Variants in MEIKIN observed in about 807,000 individuals in gnomAD.
MEIKIN encodes the protein meiosis-specific kinetochore protein.
chr5:131,904,970 C>T (rs1399231699), intron 8 of MEIKIN, among the ~76,000 whole-genome samples: 1 of 152,092 alleles, frequency 6.6e-6, no homozygotes. Flanking sequence ...GAACATCACA[C>T]ACCAGGGCCT....
chr5:131,926,319 T>C (rs1751586389), intron 5 of MEIKIN, among the ~76,000 whole-genome samples: 1 of 152,220 alleles, frequency 6.6e-6, no homozygotes. Flanking sequence ...CTTCATTCTG[T>C]TAATGTAGTG....
intron 11 of MEIKIN, among the ~76,000 whole-genome samples, chr5:131,825,030 AAAGAAG>A (rs148275513): frequency 2.6e-5 from 4 of 151,484 alleles, no homozygotes; most frequent in South Asian, 2.1e-4. Flanking sequence ...ACTGAAAAAA[AAAGAAG>A]AAGAAGAAGA....
intron 8 of MEIKIN, among the ~76,000 whole-genome samples, chr5:131,886,381 G>A (rs1750795438): frequency 6.6e-6 from 1 of 152,088 alleles, no homozygotes; most frequent in African/African-American, 2.4e-5. Flanking sequence ...AAGTCTTAAA[G>A]TTCAAGGATA....
intron 11 of MEIKIN, among the ~76,000 whole-genome samples, chr5:131,825,890 A>G (rs1466603898): frequency 6.6e-6 from 1 of 152,210 alleles, no homozygotes; most frequent in Non-Finnish European, 1.5e-5. Flanking sequence ...TAACTGCCAC[A>G]TGTAAGTCAA....
chr5:131,839,714 G>A lies in MEIKIN; in HGVS notation c.975+11550C>T, dbSNP rs530090524. 1.3e-4 allele frequency among the ~76,000 whole-genome samples: 20 copies of A among 152,046 alleles called. 1 individual carries two copies. The highest frequency in any genetic ancestry group is 2.6e-4 in the Non-Finnish European group (18 of 67,976). On this transcript the variant is annotated intron_variant, in intron 11 of 12. Coordinates refer to ENST00000442687, the MANE Select transcript of MEIKIN (RefSeq NM_001303622.2). ...TCCATTTGCTTCGTAGATTTTCCTC[G>A]ATCCCTTTGTTTTCAGCCTATGTAT...
At chr5:131,872,872 C>T (rs1356061373) in intron 9 of MEIKIN, among the ~76,000 whole-genome samples, 3 of 152,182 alleles carry the variant, frequency 2.0e-5, no homozygotes, top group Admixed American at 6.5e-5. Context: ...GAATTTTCAA[C>T]CCAGCATTTC....
intron 9 of MEIKIN, among the ~76,000 whole-genome samples, chr5:131,862,848 C>T (rs1750311133): frequency 1.3e-5 from 2 of 152,208 alleles, no homozygotes; most frequent in South Asian, 4.2e-4. Flanking sequence ...AGACATGCAC[C>T]ACCATGCCTG....
chr5:131,899,242 G>A (rs1339756111), intron 8 of MEIKIN, among the ~76,000 whole-genome samples: 1 of 152,108 alleles, frequency 6.6e-6, no homozygotes, highest in Non-Finnish European at 1.5e-5. Flanking sequence ...GTTTGTTTAT[G>A]CAAACAATGT....
chr5:131,830,433 C>CA, intron 11 of MEIKIN, among the ~76,000 whole-genome samples: 1 of 152,018 alleles, frequency 6.6e-6, no homozygotes, highest in South Asian at 2.1e-4. Flanking sequence ...ACAAAACAAA[C>CA]AAAAAAACCT....
intron 8 of MEIKIN, 57 bp from the exon 9 acceptor site, chr5:131,879,105 G>A (rs911395325): frequency 2.5e-6 from 1 of 397,610 alleles, no homozygotes; most frequent in Non-Finnish European, 4.4e-6. Flanking sequence ...TTAACTATGA[G>A]TCCAAAGGAC....
intron 5 of MEIKIN, among the ~76,000 whole-genome samples, chr5:131,931,683 T>A (rs751424028): frequency 1.3e-5 from 2 of 152,196 alleles, no homozygotes; most frequent in Non-Finnish European, 2.9e-5. Flanking sequence ...GCTGGCCCCA[T>A]GCTTGCCAGG....
At chr5:131,821,110 T>C (rs1749489152) in intron 11 of MEIKIN, among the ~76,000 whole-genome samples, 1 of 152,192 alleles carries the variant, frequency 6.6e-6, no homozygotes, top group South Asian at 2.1e-4. Context: ...ATTTGAAGTT[T>C]TTCCTCTTTT....
At chr5:131,857,673 T>C (rs1750218695) in intron 9 of MEIKIN, among the ~76,000 whole-genome samples, 1 of 152,158 alleles carries the variant, frequency 6.6e-6, no homozygotes, top group Non-Finnish European at 1.5e-5. Context: ...GATGCGCACC[T>C]GCCTACCTAC....
intron 5 of MEIKIN, among the ~76,000 whole-genome samples, chr5:131,925,346 C>T (rs1355811936): frequency 6.6e-6 from 1 of 152,162 alleles, no homozygotes; most frequent in East Asian, 1.9e-4. Flanking sequence ...GAGATTGCAT[C>T]AAATTTGTAG....
intron 8 of MEIKIN, among the ~76,000 whole-genome samples, chr5:131,888,965 G>T (rs559791115): frequency 4.6e-5 from 7 of 152,262 alleles, no homozygotes; most frequent in Non-Finnish European, 7.4e-5. Flanking sequence ...TATTAAATAG[G>T]AAATGTTTTT....
intron 9 of MEIKIN, among the ~76,000 whole-genome samples, chr5:131,876,696 C>T (rs1321494099): frequency 5.3e-5 from 8 of 151,526 alleles, no homozygotes; most frequent in South Asian, 4.2e-4. Flanking sequence ...CACATGCACA[C>T]GTATGTTTAT....
chr5:131,934,279 A>G (rs1472865706), intron 4 of MEIKIN, among the ~76,000 whole-genome samples: 2 of 152,240 alleles, frequency 1.3e-5, no homozygotes, highest in South Asian at 2.1e-4. Context: ...AGTTTTATAT[A>G]TAAGTAACCC....
chr5:131,890,247 A>G (rs1285951666), intron 8 of MEIKIN, among the ~76,000 whole-genome samples: 2 of 152,142 alleles, frequency 1.3e-5, no homozygotes, highest in Non-Finnish European at 2.9e-5. Flanking sequence ...CTCTTTTTCT[A>G]TTGAATGGAA....
At chr5:131,832,995 G>A (rs1010649420) in intron 11 of MEIKIN, among the ~76,000 whole-genome samples, 1 of 152,218 alleles carries the variant, frequency 6.6e-6, no homozygotes, top group Admixed American at 6.5e-5. Flanking sequence ...CATTGTCTTG[G>A]GGATTAACAT....
Sources: gnomAD v4.1 joint callset for allele counts (sites outside exome capture counted in the v4.1 genomes callset) on GRCh38, gnomAD v4.1.1 for gene constraint, MANE v1.5 for transcripts, NCBI Gene and HGNC (gene_info 2026-07-23, HGNC 2026-07-21) for gene names.